ARL3: variants seen among roughly 807,000 people sequenced by gnomAD.
ARL3 encodes the protein ARF like GTPase 3.
In ARL3, 9 loss-of-function variants were observed where a neutral mutation model predicts 26.0. That is an observed-to-expected ratio of 0.35 (90% CI 0.21 to 0.60). The LOEUF is 0.60. ARL3 is among the 20% of genes least tolerant of loss of function. The probability of loss-of-function intolerance (pLI) is 0.78; values close to 1 mark genes in which losing one functional copy is unlikely to be tolerated. For missense variants in ARL3, 158 were observed against 215.7 expected (o/e 0.73, Z 1.67); for synonymous variants, 71 against 78.4 (o/e 0.91, Z 0.50).
At chr10:102,707,817 C>T (rs528916383) in intron 1 of ARL3, among the ~76,000 whole-genome samples, 17 of 152,286 alleles carry the variant, frequency 1.1e-4, no homozygotes, top group Admixed American at 7.9e-4. Flanking sequence ...TTAGTCTAAG[C>T]TAGACAAATT....
rs527422799 is a variant in ARL3, at chr10:102,711,994, C to T, written c.3+2279G>A. Reference sequence around the variant, plus strand: ...TGTTGAACATGCTTGAGAACGACCACAAGCTCCATATATGTAGAAAGTGCT... The same window carrying T: ...TGTTGAACATGCTTGAGAACGACCATAAGCTCCATATATGTAGAAAGTGCT... On this transcript the variant is annotated intron_variant, in intron 1 of 5. Transcript: ENST00000260746. Among the ~76,000 whole-genome samples, 41 of 152,200 alleles carry T rather than the reference C, an allele frequency of 2.7e-4. 1 individual carries two copies. The highest frequency in any genetic ancestry group is 8.9e-4 in the African/African-American group (37 of 41,538).
intron 1 of ARL3, among the ~76,000 whole-genome samples, chr10:102,706,702 C>T (rs2064312749): frequency 6.6e-6 from 1 of 151,738 alleles, no homozygotes; most frequent in Non-Finnish European, 1.5e-5. Flanking sequence ...CTAATATTTC[C>T]CTCTGTCACC....
Position 102,714,373 on chromosome 10 carries a change from CA to C in ARL3, c.-99del. On this transcript the variant is annotated 5_prime_UTR_variant, in exon 1 of 6. Transcript: ENST00000260746. ...CCGCCCCCGACGTCCCTCGCACGCA[CA>C]GCTGAGGAGCTGAGCAGCAATACGG... 8.3e-7 allele frequency: 1 copy of C among 1,208,258 alleles called. No individual in the cohort carries two copies. The highest frequency in any genetic ancestry group is 1.1e-6 in the Non-Finnish European group (1 of 946,664). The allele number at this position is 1,208,258 out of a possible 1,614,324, so 74.8% of individuals were successfully genotyped here.
At chr10:102,707,406 C>T (rs1386110324) in intron 1 of ARL3, among the ~76,000 whole-genome samples, 1 of 151,674 alleles carries the variant, frequency 6.6e-6, no homozygotes, top group African/African-American at 2.4e-5. Flanking sequence ...GTTATTTGTT[C>T]TGTGCTATAG....
At chr10:102,686,753 C>T (rs1219065523) in intron 4 of ARL3, among the ~76,000 whole-genome samples, 2 of 151,854 alleles carry the variant, frequency 1.3e-5, no homozygotes, top group African/African-American at 2.4e-5. Flanking sequence ...TGTGAGCCGC[C>T]GTGCTCAGTC....
In ARL3 at chr10:102,676,857, G is replaced by A. The variant is rs917992800; in HGVS notation, c.*37C>T. On this transcript the variant is annotated 3_prime_UTR_variant, in exon 6 of 6. Coordinates refer to ENST00000260746, the MANE Select transcript of ARL3 (RefSeq NM_004311.4). The stretch of plus-strand genomic sequence containing the variant: ...ATTAGTGTTTTTCAGGACCGAATTC[G>A]GCTCCCGCAGCTCCTGCATCTCCAT... 12 of 1,608,642 alleles carry A rather than the reference G, an allele frequency of 7.5e-6. No homozygotes were observed. Among genetic ancestry groups the A allele is most frequent in the East Asian group, 2.2e-5 (1 of 44,824 alleles).
chr10:102,698,733 A>G (rs1301591542), intron 3 of ARL3, among the ~76,000 whole-genome samples: 2 of 152,214 alleles, frequency 1.3e-5, no homozygotes, highest in African/African-American at 4.8e-5. Context: ...CTCCACTTGA[A>G]TGAACGCTCC....
At chr10:102,687,274 T>G (rs900386314) in intron 4 of ARL3, among the ~76,000 whole-genome samples, 3 of 146,544 alleles carry the variant, frequency 2.0e-5, no homozygotes, top group Non-Finnish European at 4.5e-5. Flanking sequence ...CACTCTGTCA[T>G]CCAGGCTGGA....
intron 4 of ARL3, among the ~76,000 whole-genome samples, chr10:102,686,500 G>C (rs753413603): frequency 3.4e-4 from 45 of 132,626 alleles, no homozygotes; most frequent in Admixed American, 5.8e-4. Flanking sequence ...GTCTCGCTCT[G>C]TCGCCCAGGC....
Position 102,714,289 on chromosome 10 carries a change from C to A in ARL3, c.-14G>T, listed in dbSNP as rs2136015015. On this transcript the variant is annotated 5_prime_UTR_variant, in exon 1 of 6. Transcript: ENST00000260746. ...CACACTCACCATCCTCCCGCCGAGTCCCTCCTCCTCCTCCTCCTCCTGCTG... is the reference window on the plus strand; with the variant it reads ...CACACTCACCATCCTCCCGCCGAGTACCTCCTCCTCCTCCTCCTCCTGCTG... The A allele has an allele frequency of 7.6e-7, 1 of 1,309,180 alleles. No homozygotes were observed. The highest frequency in any genetic ancestry group is 2.8e-5 in the East Asian group (1 of 35,566). 81.1% of individuals were successfully genotyped at this position (1,309,180 alleles called of 1,614,324 possible). A position where few individuals can be genotyped will look rare whatever the true frequency, so the allele number is the denominator to read the frequency against.
At chr10:102,708,712 C>T (rs1169469641) in intron 1 of ARL3, among the ~76,000 whole-genome samples, 2 of 151,328 alleles carry the variant, frequency 1.3e-5, no homozygotes, top group Non-Finnish European at 2.9e-5. Context: ...CAAAATTAGC[C>T]GGGTATGGTG....
At chr10:102,707,188 C>T (rs560778387) in intron 1 of ARL3, among the ~76,000 whole-genome samples, 64 of 151,956 alleles carry the variant, frequency 4.2e-4, no homozygotes, top group Non-Finnish European at 8.2e-4. Flanking sequence ...GTCCCAGCTA[C>T]TCAGGAAGCT....
At chr10:102,701,536 T>C (rs2064279393) in intron 2 of ARL3, among the ~76,000 whole-genome samples, 1 of 152,228 alleles carries the variant, frequency 6.6e-6, no homozygotes, top group South Asian at 2.1e-4. Context: ...GGGAAATGGC[T>C]TAAGCTTATT....
chr10:102,713,312 A>G (rs1000296649), intron 1 of ARL3, among the ~76,000 whole-genome samples: 2 of 152,204 alleles, frequency 1.3e-5, no homozygotes, highest in Non-Finnish European at 2.9e-5. Flanking sequence ...AACAAGAAAC[A>G]GAGTGTCAAC....
chr10:102,690,020 T>G (rs2064208475), intron 3 of ARL3, 77 bp from the exon 4 acceptor site: 6 of 895,486 alleles, frequency 6.7e-6, no homozygotes, highest in Middle Eastern at 2.5e-4. Flanking sequence ...AAGGAGCAGG[T>G]GATCCCCAAT....
At chr10:102,689,842 G>T in intron 4 of ARL3, 51 bp downstream of exon 4, 1 of 1,155,876 alleles carries the variant, frequency 8.7e-7, no homozygotes, top group Non-Finnish European at 1.2e-6. Context: ...AAAAAAAAAA[G>T]TACATACATA....
At chr10:102,710,353 T>G (rs555518192) in intron 1 of ARL3, among the ~76,000 whole-genome samples, 1 of 152,246 alleles carries the variant, frequency 6.6e-6, no homozygotes, top group African/African-American at 2.4e-5. Flanking sequence ...GAGATCAGGG[T>G]TCTGCCTGAA....
intron 1 of ARL3, 22 bp downstream of exon 1, chr10:102,714,251 G>T: frequency 7.6e-7 from 1 of 1,313,322 alleles, no homozygotes; most frequent in Non-Finnish European, 9.8e-7. Context: ...GGCTCCAAGG[G>T]GGCCCAGGCC....
chr10:102,690,147 T>C (rs2064209137), intron 3 of ARL3, among the ~76,000 whole-genome samples: 1 of 152,096 alleles, frequency 6.6e-6, no homozygotes, highest in South Asian at 2.1e-4. Flanking sequence ...GAAAATACCT[T>C]CAGCAATGCT....
Sources: allele counts gnomAD v4.1 joint callset (sites outside exome capture counted in the v4.1 genomes callset), GRCh38; gene constraint gnomAD v4.1.1; transcripts MANE v1.5; gene names NCBI Gene and HGNC (gene_info 2026-07-23, HGNC 2026-07-21).